CYP2C19: variants seen among roughly 807,000 people sequenced by gnomAD.
The protein encoded by CYP2C19 is cytochrome P450 2C19.
A neutral mutation model predicts 40.9 loss-of-function variants in CYP2C19; 59 were observed. The ratio of observed to expected loss-of-function variants is 1.44; its 90% confidence interval spans 1.17 to 1.79. The LOEUF (loss-of-function observed/expected upper bound fraction) is 1.79. Among genes scored for constraint, CYP2C19 ranks in the 40% most tolerant of loss-of-function variants. The probability of loss-of-function intolerance (pLI) is 0.00; values close to 1 mark genes in which losing one functional copy is unlikely to be tolerated. For synonymous variants in CYP2C19, 253 were observed against 208.7 expected, an observed-to-expected ratio of 1.21 and a Z score of -1.83; for missense variants, 754 against 596.9, an observed-to-expected ratio of 1.26 and a Z score of -2.74.
At chr10:94,849,714 G>C (rs1189643592) in intron 7 of CYP2C19, among the ~76,000 whole-genome samples, 1 of 142,010 alleles carries the variant, frequency 7.0e-6, no homozygotes, top group African/African-American at 2.6e-5. Context: ...TCCTGATTGT[G>C]GGCATTTTAG....
At chr10:94,804,898 T>A (rs541261567) in intron 5 of CYP2C19, among the ~76,000 whole-genome samples, 1 of 152,330 alleles carries the variant, frequency 6.6e-6, no homozygotes, top group African/African-American at 2.4e-5. Flanking sequence ...TCTTTAGCAA[T>A]GTTTAATAGT....
At chr10:94,834,986 G>C (rs902059038) in intron 6 of CYP2C19, among the ~76,000 whole-genome samples, 1 of 152,144 alleles carries the variant, frequency 6.6e-6, no homozygotes, top group African/African-American at 2.4e-5. Context: ...TGTAGTAGGG[G>C]TGGTGCAGTT....
At chr10:94,789,907 G>A (rs1848585084) in intron 5 of CYP2C19, among the ~76,000 whole-genome samples, 1 of 152,046 alleles carries the variant, frequency 6.6e-6, no homozygotes, top group Admixed American at 6.6e-5. Context: ...TGATGGGGAT[G>A]GCATTGAATC....
chr10:94,788,128 C>G (rs1004641700), intron 5 of CYP2C19, among the ~76,000 whole-genome samples: 19 of 151,758 alleles, frequency 1.3e-4, no homozygotes, highest in African/African-American at 4.4e-4. Context: ...CCCCACCCCC[C>G]ACTATGGCTA....
chr10:94,844,506 T>A (rs1042528765), intron 7 of CYP2C19, among the ~76,000 whole-genome samples: 4 of 152,214 alleles, frequency 2.6e-5, no homozygotes, highest in Non-Finnish European at 4.4e-5. Context: ...CCAGACACTC[T>A]AGTTGCCATC....
intron 1 of CYP2C19, among the ~76,000 whole-genome samples, chr10:94,772,512 T>C (rs1848347877): frequency 6.6e-6 from 1 of 152,132 alleles, no homozygotes. Context: ...AGGGTCAGGA[T>C]AGCTAGGATA....
intron 5 of CYP2C19, among the ~76,000 whole-genome samples, chr10:94,790,617 C>T (rs1848593393): frequency 6.6e-6 from 1 of 151,964 alleles, no homozygotes; most frequent in Non-Finnish European, 1.5e-5. Flanking sequence ...TGGTTTTTGT[C>T]TTTGGTTCTG....
intron 5 of CYP2C19, among the ~76,000 whole-genome samples, chr10:94,809,656 G>A (rs1297530111): frequency 6.6e-6 from 1 of 151,910 alleles, no homozygotes; most frequent in East Asian, 1.9e-4. Context: ...GTTTTCAAAG[G>A]GAATGCTTCC....
At chr10:94,834,384 C>G (rs946797804) in intron 6 of CYP2C19, among the ~76,000 whole-genome samples, 1 of 151,632 alleles carries the variant, frequency 6.6e-6, no homozygotes, top group Admixed American at 6.6e-5. Context: ...TTTGAAACTT[C>G]TTTTTTTTCT....
intron 3 of CYP2C19, 82 bp downstream of exon 3, chr10:94,775,621 G>C: frequency 6.2e-7 from 1 of 1,608,008 alleles, no homozygotes; most frequent in Non-Finnish European, 8.5e-7. Flanking sequence ...TTCAGGGGTG[G>C]CCAGATCTTT....
At chr10:94,841,998 A>T (rs1453748168) in intron 6 of CYP2C19, among the ~76,000 whole-genome samples, 1 of 152,220 alleles carries the variant, frequency 6.6e-6, no homozygotes, top group Non-Finnish European at 1.5e-5. Flanking sequence ...GCAAATATCT[A>T]TTAGACCCAT....
chr10:94,813,841 C>A (rs1405724846), intron 5 of CYP2C19, among the ~76,000 whole-genome samples: 14 of 151,624 alleles, frequency 9.2e-5, no homozygotes, highest in South Asian at 2.1e-4. Flanking sequence ...ATAAAAAAAA[C>A]CCCTCCAGCT....
At chr10:94,816,731 C>G (rs1039428318) in intron 5 of CYP2C19, among the ~76,000 whole-genome samples, 2 of 124,526 alleles carry the variant, frequency 1.6e-5, no homozygotes, top group Admixed American at 1.8e-4. Flanking sequence ...CTCCCCCCTC[C>G]CCCCACCCCA....
At chr10:94,852,402 C>T (rs1317629860) in intron 8 of CYP2C19, among the ~76,000 whole-genome samples, 1 of 152,144 alleles carries the variant, frequency 6.6e-6, no homozygotes, top group Non-Finnish European at 1.5e-5. Flanking sequence ...GTATGTTTCT[C>T]AAGAAAGATT....
At chr10:94,789,062 A>G (rs1848576183) in intron 5 of CYP2C19, among the ~76,000 whole-genome samples, 1 of 151,976 alleles carries the variant, frequency 6.6e-6, no homozygotes, top group Non-Finnish European at 1.5e-5. Flanking sequence ...ATGGTATCTC[A>G]TTGTGGTTTT....
intron 6 of CYP2C19, among the ~76,000 whole-genome samples, chr10:94,826,986 C>T (rs1325642431): frequency 3.9e-5 from 6 of 152,074 alleles, no homozygotes; most frequent in Admixed American, 2.0e-4. Context: ...GTATATTGAA[C>T]CAGCCTTGCA....
chr10:94,820,850 C>A (rs906747182), intron 6 of CYP2C19, among the ~76,000 whole-genome samples: 1 of 152,122 alleles, frequency 6.6e-6, no homozygotes, highest in Non-Finnish European at 1.5e-5. Flanking sequence ...TTTGGGAGGC[C>A]TAGGTGGGTG....
At chr10:94,847,400 C>A (rs568129199) in intron 7 of CYP2C19, among the ~76,000 whole-genome samples, 1 of 152,290 alleles carries the variant, frequency 6.6e-6, no homozygotes, top group South Asian at 2.1e-4. Context: ...CTACAAAGGA[C>A]ATGAACTCAT....
At chr10:94,821,241 G>A (rs1849117106) in intron 6 of CYP2C19, among the ~76,000 whole-genome samples, 1 of 152,164 alleles carries the variant, frequency 6.6e-6, no homozygotes, top group Non-Finnish European at 1.5e-5. Flanking sequence ...CTTATGGCAG[G>A]AAGAGACAAC....
Sources: gnomAD v4.1 joint callset for allele counts (sites outside exome capture counted in the v4.1 genomes callset) on GRCh38, gnomAD v4.1.1 for gene constraint, MANE v1.5 for transcripts, NCBI Gene and HGNC (gene_info 2026-07-23, HGNC 2026-07-21) for gene names.